PPA2: variants seen among roughly 807,000 people sequenced by gnomAD.
PPA2 encodes inorganic pyrophosphatase 2, mitochondrial.
A neutral mutation model predicts 49.5 loss-of-function variants in PPA2; 48 were observed. The ratio of observed to expected loss-of-function variants is 0.97; its 90% CI spans 0.77 to 1.23. The LOEUF (loss-of-function observed/expected upper bound fraction) is 1.23. Ranked by LOEUF, PPA2 falls within the 50% of genes most tolerant of loss-of-function variation. PPA2 has a pLI of 0.00. For synonymous variants in PPA2, 131 were observed against 139.9 expected (o/e 0.94, Z 0.45); for missense variants, 429 against 410.1 (o/e 1.05, Z -0.40).
At chr4:105,416,658 A>G (rs377561315) in intron 7 of PPA2, among the ~76,000 whole-genome samples, 18 of 152,318 alleles carry the variant, frequency 1.2e-4, no homozygotes, top group South Asian at 2.1e-4. Context: ...CTGTATCACA[A>G]ATAGAGGTCC....
chr4:105,390,315 A>G (rs930056476), intron 9 of PPA2, among the ~76,000 whole-genome samples: 1 of 152,230 alleles, frequency 6.6e-6, no homozygotes, highest in Non-Finnish European at 1.5e-5. Context: ...GGTAAGTGGG[A>G]TCTAATCAAA....
At chr4:105,392,442 G>A (rs966851795) in intron 9 of PPA2, among the ~76,000 whole-genome samples, 1 of 152,112 alleles carries the variant, frequency 6.6e-6, no homozygotes, top group Admixed American at 6.6e-5. Context: ...GGAGGCTGAG[G>A]TGCGTGGATC....
intron 6 of PPA2, among the ~76,000 whole-genome samples, chr4:105,434,765 C>A (rs1193418585): frequency 6.6e-6 from 1 of 152,102 alleles, no homozygotes; most frequent in Non-Finnish European, 1.5e-5. Context: ...CCCAGATTAC[C>A]AAGTTGCCTC....
intron 10 of PPA2, among the ~76,000 whole-genome samples, chr4:105,384,897 C>CT (rs1456057683): frequency 1.3e-5 from 2 of 152,186 alleles, no homozygotes; most frequent in Non-Finnish European, 2.9e-5. Context: ...TGCACAGAGT[C>CT]TTCCATAATC....
intron 7 of PPA2, among the ~76,000 whole-genome samples, chr4:105,409,877 A>C (rs1454442513): frequency 6.6e-6 from 1 of 152,244 alleles, no homozygotes; most frequent in African/African-American, 2.4e-5. Context: ...ATCAACAAAA[A>C]AGGACATCCA....
chr4:105,369,373 C>A lies in PPA2; in HGVS notation c.*352G>T, dbSNP rs1307167972. The A allele has an allele frequency of 5.2e-6, 1 of 193,778 alleles. No homozygotes were observed. Among genetic ancestry groups the A allele is most frequent in the Non-Finnish European group, 1.1e-5 (1 of 94,066 alleles). The allele number at this position is 193,778 out of a possible 1,614,324, so 12.0% of individuals were successfully genotyped here. ...CTGAGTAGCTGGGTCTACAGGCATG[C>A]ACCACCACGCCTGGCTAATTTTTGT... On this transcript the variant is annotated 3_prime_UTR_variant, in exon 12 of 12. Transcript: ENST00000341695.
chr4:105,434,311 C>T (rs1723951057), intron 6 of PPA2, among the ~76,000 whole-genome samples: 1 of 152,192 alleles, frequency 6.6e-6, no homozygotes, highest in Non-Finnish European at 1.5e-5. Context: ...CAAAAATGTT[C>T]AAATTTGAAG....
rs537137982 is a variant in PPA2, at chr4:105,450,812, T to C, written c.268-1409A>G. ...TTAGTAGAGACAGGGTTTCACTGTGTTAGCCAGGATGGTCTCGATCTCCTG... is the reference window on the plus strand; with the variant it reads ...TTAGTAGAGACAGGGTTTCACTGTGCTAGCCAGGATGGTCTCGATCTCCTG... On this transcript the variant is annotated intron_variant, in intron 3 of 11. Coordinates refer to ENST00000341695, the MANE Select transcript of PPA2 (RefSeq NM_176869.3). Among the ~76,000 whole-genome samples, 46 of 152,214 alleles carry C rather than the reference T, an allele frequency of 3.0e-4. 1 individual carries two copies. Among genetic ancestry groups the C allele is most frequent in the African/African-American group, 1.1e-3 (46 of 41,538 alleles).
At chr4:105,395,299 T>TA (rs34835508) in intron 9 of PPA2, among the ~76,000 whole-genome samples, 56,704 of 151,844 alleles carry the variant, frequency 0.37, 12,546 homozygotes, top group East Asian at 0.68. Context: ...AGAATTTATT[T>TA]AATGACCCTC....
Position 105,371,161 on chromosome 4 carries a change from C to T in PPA2, c.940-288G>A, listed in dbSNP as rs374596437. 1.5e-4 allele frequency among the ~76,000 whole-genome samples: 23 copies of T among 152,240 alleles called. No homozygotes were observed. In the South Asian group the frequency reaches 3.9e-3, roughly 26 times the overall value. The stretch of plus-strand genomic sequence containing the variant: ...AGGAATGAGAAGAGAGGTTTTCTTT[C>T]AATGGCTTCCGCAGCTAATGTCTTG... On this transcript the variant is annotated intron_variant, in intron 10 of 11. Coordinates refer to ENST00000341695, the MANE Select transcript of PPA2 (RefSeq NM_176869.3).
At chr4:105,440,189 C>T (rs1019745057) in intron 5 of PPA2, among the ~76,000 whole-genome samples, 4 of 152,176 alleles carry the variant, frequency 2.6e-5, no homozygotes, top group African/African-American at 9.7e-5. Context: ...GATTCTACCA[C>T]AAACTATCTT....
chr4:105,404,794 T>A (rs2110402832), intron 7 of PPA2, among the ~76,000 whole-genome samples: 1 of 152,168 alleles, frequency 6.6e-6, no homozygotes, highest in East Asian at 1.9e-4. Context: ...CAAAAATAAA[T>A]ACACAGGCCA....
At chr4:105,386,094 T>A (rs1381801544) in intron 10 of PPA2, among the ~76,000 whole-genome samples, 1 of 152,008 alleles carries the variant, frequency 6.6e-6, no homozygotes, top group Non-Finnish European at 1.5e-5. Flanking sequence ...TTGGCCAGGC[T>A]GGTCTCAAAC....
chr4:105,409,429 T>TG (rs1722647949), intron 7 of PPA2, among the ~76,000 whole-genome samples: 2 of 152,098 alleles, frequency 1.3e-5, no homozygotes, highest in South Asian at 4.1e-4. Flanking sequence ...AGTGCCCCTC[T>TG]GCAAGGCCTA....
chr4:105,385,879 AT>A (rs57267137), intron 10 of PPA2, among the ~76,000 whole-genome samples: 43,624 of 130,744 alleles, frequency 0.33, 6,267 homozygotes, highest in East Asian at 0.61. Context: ...TTTATTTTCA[AT>A]TTTTTTTTTT....
At chr4:105,469,469 T>A (rs1723437111) in intron 1 of PPA2, among the ~76,000 whole-genome samples, 1 of 152,244 alleles carries the variant, frequency 6.6e-6, no homozygotes, top group African/African-American at 2.4e-5. Context: ...ATTTTATGTA[T>A]CTATACCAGA....
chr4:105,419,312 C>G (rs993394622), intron 7 of PPA2, among the ~76,000 whole-genome samples: 16 of 152,148 alleles, frequency 1.1e-4, no homozygotes, highest in Non-Finnish European at 2.9e-5. Flanking sequence ...CCCCGCTCCC[C>G]CCACCCCACA....
rs530164033 is a variant in PPA2, at chr4:105,419,465, C to T, written c.655+4731G>A. The stretch of plus-strand genomic sequence containing the variant: ...ACCAATTTTGTATCAAGGAATACAA[C>T]GAGTTTCATTTCAAATGTTATTTGG... On this transcript the variant is annotated intron_variant, in intron 7 of 11. Coordinates refer to ENST00000341695, the MANE Select transcript of PPA2 (RefSeq NM_176869.3). Among the ~76,000 whole-genome samples the T allele has an allele frequency of 6.1e-4, 93 of 152,252 alleles. 2 individuals are homozygous for T. Among genetic ancestry groups the T allele is most frequent in the Non-Finnish European group, 7.6e-4 (52 of 68,028 alleles).
rs1483758354 is a variant in PPA2 at position 105,386,640 on chromosome 4, G to T, written c.870-4C>A. ...ATCAGATATCTGCACGTTTGTGCTG[G>T]AGAGGAAAAGAGAATGTTATTATTA... On this transcript the variant is annotated splice_region_variant and splice_polypyrimidine_tract_variant and intron_variant, in intron 9 of 11. Transcript: ENST00000341695. 14 of 1,609,602 alleles carry T rather than the reference G, an allele frequency of 8.7e-6. No individual in the cohort carries two copies. The highest frequency in any genetic ancestry group is 1.1e-5 in the Non-Finnish European group (13 of 1,176,896).
Sources: allele counts gnomAD v4.1 joint callset (sites outside exome capture counted in the v4.1 genomes callset), GRCh38; gene constraint gnomAD v4.1.1; transcripts MANE v1.5; gene names NCBI Gene and HGNC (gene_info 2026-07-23, HGNC 2026-07-21).